The following MIB1 variants were observed in gnomAD, a reference collection of about 807,000 sequenced individuals.
MIB1 encodes MIB E3 ubiquitin protein ligase 1.
In MIB1, 278 loss-of-function variants were observed where a neutral mutation model predicts 124.5. That is an observed-to-expected ratio of 2.23 (90% CI 2.02 to 2.47). MIB1 has a LOEUF of 2.47. Among genes scored for constraint, MIB1 ranks in the 30% most tolerant of loss-of-function variants. The probability of loss-of-function intolerance (pLI) is 0.00; values close to 1 mark genes in which losing one functional copy is unlikely to be tolerated. For synonymous variants in MIB1, 446 were observed against 429.4 expected (o/e 1.04, Z -0.48); for missense variants, 957 against 1,254.4 (o/e 0.76, Z 3.58).
intron 11 of MIB1, among the ~76,000 whole-genome samples, chr18:21,816,212 G>A (rs890028145): frequency 2.6e-5 from 4 of 152,088 alleles, no homozygotes; most frequent in East Asian, 1.9e-4. Flanking sequence ...TTGAATAGTC[G>A]TTAGTGTAAT....
chr18:21,844,223 G>A lies in MIB1; in HGVS notation c.2181G>A (p.Val727=), dbSNP rs2042116378. The A allele has an allele frequency of 6.2e-7, 1 of 1,613,986 alleles. No individual in the cohort carries two copies. Among genetic ancestry groups the A allele is most frequent in the Admixed American group, 1.7e-5 (1 of 60,012 alleles). ...AAGATATGCAAGATGTGGGGAAGGT[G>A]GATGCTGCCTGGGAGCCATCCAAAA... ...QLQDMQDVGK[V]DAAWEPSKNT... is the part of the protein sequence containing the mutation. Residue 727 remains valine, a synonymous_variant, in exon 15 of 21, where the codon GTG becomes GTA. Coordinates refer to ENST00000261537, the MANE Select transcript of MIB1 (RefSeq NM_020774.4).
intron 4 of MIB1, among the ~76,000 whole-genome samples, chr18:21,776,386 TGTGCACATGCATGTGCATACCTGCAG>T (rs1242737877): frequency 2.0e-5 from 3 of 152,144 alleles, no homozygotes; most frequent in African/African-American, 7.2e-5. Flanking sequence ...TGTGCGTGTG[TGTGCACATGCATGTGCATACCTGCAG>T]GTGCACATGT....
At chr18:21,782,232 C>T (rs562406468) in intron 6 of MIB1, among the ~76,000 whole-genome samples, 3 of 152,274 alleles carry the variant, frequency 2.0e-5, no homozygotes, top group African/African-American at 7.2e-5. Flanking sequence ...AAACGGTTCT[C>T]CTGCCTCAGC....
Position 21,765,869 on chromosome 18 carries a change from C to T in MIB1, c.327C>T (p.Cys109=), listed in dbSNP as rs746295442. 5 of 1,614,078 alleles carry T rather than the reference C, an allele frequency of 3.1e-6. No individual in the cohort carries two copies. The highest frequency in any genetic ancestry group is 4.2e-6 in the Non-Finnish European group (5 of 1,179,942). The part of the protein sequence containing the change: ...KCAECTNYDL[C]TVCYHGDKHH... ...CAGAGTGTACAAATTATGATTTGTG[C>T]ACAGTGTGTTATCATGGAGATAAAC... is the stretch of plus-strand genomic sequence containing the variant. Residue 109 remains cysteine (C), a synonymous_variant, in exon 2 of 21, where the codon TGC becomes TGT. Transcript: ENST00000261537.
chr18:21,805,188 T>G (rs2146461237), intron 10 of MIB1, among the ~76,000 whole-genome samples: 1 of 152,136 alleles, frequency 6.6e-6, no homozygotes, highest in East Asian at 1.9e-4. Context: ...AATTTTTGTA[T>G]TTTTAGTAGA....
intron 10 of MIB1, among the ~76,000 whole-genome samples, chr18:21,812,128 G>A (rs746201991): frequency 1.8e-4 from 28 of 152,140 alleles, no homozygotes; most frequent in Non-Finnish European, 5.9e-5. Flanking sequence ...AATTTCACAG[G>A]AGAAGTGATG....
chr18:21,814,402 C>A (rs2041806347), intron 10 of MIB1, among the ~76,000 whole-genome samples: 1 of 150,408 alleles, frequency 6.6e-6, no homozygotes, highest in Admixed American at 6.6e-5. Flanking sequence ...AATCACACAA[C>A]TCATCTTAGT....
upstream of MIB1, among the ~76,000 whole-genome samples, chr18:21,740,687 G>T (rs1178619946): frequency 6.6e-6 from 1 of 152,182 alleles, no homozygotes; most frequent in Non-Finnish European, 1.5e-5. Flanking sequence ...GGCACCACCG[G>T]GCGGCAACTC....
At position 21,798,133 on chromosome 18, in the gene MIB1, T is replaced by A; in HGVS notation, c.1142T>A (p.Leu381Ter). The A allele has an allele frequency of 6.2e-7, 1 of 1,613,338 alleles. No homozygotes were observed. Residue 381 changes from leucine (L) to a stop codon, truncating the protein, a stop_gained, in exon 8 of 21, where the codon TTA becomes TAA. Coordinates refer to ENST00000261537, the MANE Select transcript of MIB1 (RefSeq NM_020774.4). LOFTEE classifies it high-confidence loss of function. Reference sequence around the variant, plus strand: ...CAACAGATTTATTCAGACAGTGATTTAAAGGTGGAAGTTTGTGGAACATCT... The same window carrying A: ...CAACAGATTTATTCAGACAGTGATTAAAAGGTGGAAGTTTGTGGAACATCT... ...RVQQIYSDSD[L>*]KVEVCGTSWT...
At chr18:21,800,027 G>T in intron 9 of MIB1, 53 bp downstream of exon 9, 1 of 1,466,288 alleles carries the variant, frequency 6.8e-7, no homozygotes, top group South Asian at 1.2e-5. Flanking sequence ...ATAGTATAAT[G>T]AACCTTATCC....
chr18:21,722,769 T>G (rs929145167), intron 1 of MIB1, among the ~76,000 whole-genome samples: 1 of 152,194 alleles, frequency 6.6e-6, no homozygotes, highest in Non-Finnish European at 1.5e-5. Context: ...TTTCTCATGA[T>G]TGGAGTGGTT....
At position 21,802,157 on chromosome 18, in the gene MIB1, T is replaced by A. The variant is rs538086189; in HGVS notation, c.1372-1750T>A. On this transcript the variant is annotated intron_variant, in intron 9 of 20. Coordinates refer to ENST00000261537, the MANE Select transcript of MIB1 (RefSeq NM_020774.4). ...AGATATAAGCCATTCTGATTCCTGA[T>A]CTTACATGTACGCTGTTTTTTCTCT... is the stretch of plus-strand genomic sequence containing the variant. 3.3e-5 allele frequency among the ~76,000 whole-genome samples: 5 copies of A among 152,284 alleles called. No individual in the cohort carries two copies. In the South Asian group the frequency reaches 1.0e-3, roughly 32 times the overall value.
rs771317618 is a variant in MIB1 at position 21,722,658 on chromosome 18, C to A, written n.167+17535C>A. On this transcript the variant is annotated intron_variant and non_coding_transcript_variant, in intron 1 of 20. Transcript: ENST00000578646. ...TGCTGGAATTACAGGCATGAGCCACCATGCCTGCCTCTTTCCTTGTTTTTA... is the reference window on the plus strand; with the variant it reads ...TGCTGGAATTACAGGCATGAGCCACAATGCCTGCCTCTTTCCTTGTTTTTA... 2.6e-5 allele frequency among the ~76,000 whole-genome samples: 4 copies of A among 152,218 alleles called. No individual in the cohort carries two copies. In the South Asian group the frequency reaches 8.3e-4, roughly 32 times the overall value.
At chr18:21,708,155 A>T (rs918788694) in intron 1 of MIB1, among the ~76,000 whole-genome samples, 3 of 152,210 alleles carry the variant, frequency 2.0e-5, no homozygotes, top group African/African-American at 7.2e-5. Flanking sequence ...ACAAACATTG[A>T]TGCCTATAAT....
intron 12 of MIB1, among the ~76,000 whole-genome samples, chr18:21,823,875 G>A (rs910979179): frequency 2.0e-5 from 3 of 152,000 alleles, no homozygotes; most frequent in Admixed American, 6.6e-5. Flanking sequence ...TAGTATATAG[G>A]TAAAATTTTG....
At chr18:21,709,851 GGTGAAGAGT>G (rs1479415105) in intron 1 of MIB1, among the ~76,000 whole-genome samples, 14 of 152,208 alleles carry the variant, frequency 9.2e-5, no homozygotes, top group Non-Finnish European at 1.5e-5. Flanking sequence ...AAGAGATGAA[GGTGAAGAGT>G]TTGTATAGGA....
chr18:21,748,941 T>C (rs2040943579), intron 1 of MIB1, among the ~76,000 whole-genome samples: 1 of 151,904 alleles, frequency 6.6e-6, no homozygotes. Context: ...GAGGTCTTGC[T>C]GTATCACCCA....
chr18:21,823,770 G>T (rs1419444648), intron 12 of MIB1, among the ~76,000 whole-genome samples: 1 of 151,946 alleles, frequency 6.6e-6, no homozygotes, highest in Non-Finnish European at 1.5e-5. Flanking sequence ...TTTTTTTTGA[G>T]AAATCTTAAC....
intron 1 of MIB1, among the ~76,000 whole-genome samples, chr18:21,711,625 G>A (rs1456677186): frequency 6.6e-6 from 1 of 151,748 alleles, no homozygotes; most frequent in East Asian, 1.9e-4. Flanking sequence ...TAACTCTAAA[G>A]AGGATAAAGC....
Sources: gnomAD v4.1 joint callset for allele counts (sites outside exome capture counted in the v4.1 genomes callset) on GRCh38, gnomAD v4.1.1 for gene constraint, MANE v1.5 for transcripts, NCBI Gene and HGNC (gene_info 2026-07-23, HGNC 2026-07-21) for gene names.